MTA3: variants seen among roughly 807,000 people sequenced by gnomAD.
MTA3 encodes the protein metastasis associated 1 family member 3.
MTA3 carries 34 observed loss-of-function variants against 83.5 expected under a neutral mutation model. The observed-to-expected ratio is 0.41, with a 90% CI of 0.31 to 0.54. The LOEUF is 0.54. Among genes scored for constraint, MTA3 ranks in the 20% least tolerant of loss-of-function variants. MTA3 has a pLI of 0.33. For synonymous variants in MTA3, 303 were observed against 252.7 expected, an observed-to-expected ratio of 1.20 and a Z score of -1.89; for missense variants, 761 against 726.4, an observed-to-expected ratio of 1.05 and a Z score of -0.55.
chr2:42,734,255 G>C (rs991225571), intron 16 of MTA3, among the ~76,000 whole-genome samples: 1 of 150,730 alleles, frequency 6.6e-6, no homozygotes, highest in East Asian at 1.9e-4. Flanking sequence ...GCCTCTTACT[G>C]AATTGACCCC....
chr2:42,689,175 C>T (rs1267271903), intron 9 of MTA3, among the ~76,000 whole-genome samples: 1 of 152,152 alleles, frequency 6.6e-6, no homozygotes, highest in Non-Finnish European at 1.5e-5. Flanking sequence ...GTGTACCTGG[C>T]TATCAATTCC....
intron 4 of MTA3, among the ~76,000 whole-genome samples, chr2:42,628,285 C>T (rs1002367731): frequency 1.3e-5 from 2 of 151,650 alleles, no homozygotes; most frequent in Non-Finnish European, 2.9e-5. Context: ...GACTGGAGTG[C>T]AATGGCGTGA....
At chr2:42,737,507 G>T (rs537382568) in intron 16 of MTA3, among the ~76,000 whole-genome samples, 1 of 152,206 alleles carries the variant, frequency 6.6e-6, no homozygotes, top group East Asian at 1.9e-4. Flanking sequence ...GTTAAAATCA[G>T]GTACTGTGAT....
intron 5 of MTA3, among the ~76,000 whole-genome samples, chr2:42,641,651 G>C (rs1337343687): frequency 6.6e-6 from 1 of 152,074 alleles, no homozygotes; most frequent in Non-Finnish European, 1.5e-5. Context: ...TTCGAGACCA[G>C]CCTGACCAAC....
intron 2 of MTA3, among the ~76,000 whole-genome samples, chr2:42,562,383 C>T (rs922487246): frequency 6.6e-6 from 1 of 152,194 alleles, no homozygotes; most frequent in Non-Finnish European, 1.5e-5. Flanking sequence ...GGCTGTGTCC[C>T]TTTCCGTCTC....
chr2:42,695,633 T>G (rs1256086445), intron 9 of MTA3, 132 bp from the exon 10 acceptor site: 1 of 323,620 alleles, frequency 3.1e-6, no homozygotes, highest in Non-Finnish European at 4.9e-6. Context: ...ACAGTCTATC[T>G]CAAAAAAAAA....
chr2:42,750,634 A>G (rs1390607327), intron 16 of MTA3, among the ~76,000 whole-genome samples: 2 of 152,088 alleles, frequency 1.3e-5, no homozygotes, highest in South Asian at 2.1e-4. Flanking sequence ...TCCCCAGAGG[A>G]TAAATGTTTG....
chr2:42,651,578 T>C (rs1332012025), intron 6 of MTA3, among the ~76,000 whole-genome samples: 1 of 151,178 alleles, frequency 6.6e-6, no homozygotes, highest in Non-Finnish European at 1.5e-5. Flanking sequence ...GGCGGATGAC[T>C]TGAGGTCAGG....
At chr2:42,663,263 C>T (rs537908089) in intron 8 of MTA3, among the ~76,000 whole-genome samples, 1 of 152,108 alleles carries the variant, frequency 6.6e-6, no homozygotes, top group Non-Finnish European at 1.5e-5. Context: ...GCTGACTTGC[C>T]TGAGGTAGAG....
intron 2 of MTA3, among the ~76,000 whole-genome samples, chr2:42,558,994 G>T (rs1677534517): frequency 6.6e-6 from 1 of 151,936 alleles, no homozygotes; most frequent in African/African-American, 2.4e-5. Context: ...ATGTTGGCTT[G>T]CCCCAGGGCT....
intron 15 of MTA3, 95 bp from the exon 16 acceptor site, chr2:42,722,794 A>C (rs1361965844): frequency 7.1e-7 from 1 of 1,404,002 alleles, no homozygotes; most frequent in East Asian, 2.5e-5. Flanking sequence ...CTCTCAGCTC[A>C]TTAAGAAATA....
chr2:42,544,183 C>T (rs746497937), intron 2 of MTA3, among the ~76,000 whole-genome samples: 1 of 152,108 alleles, frequency 6.6e-6, no homozygotes, highest in Non-Finnish European at 1.5e-5. Context: ...CACGGTGGCT[C>T]ACGCCTGTAA....
chr2:42,497,379 G>T (rs560518066), intron 2 of MTA3, among the ~76,000 whole-genome samples: 1 of 152,178 alleles, frequency 6.6e-6, no homozygotes, highest in South Asian at 2.1e-4. Context: ...GAGGTCAGGA[G>T]TTCGAGAGCA....
intron 4 of MTA3, among the ~76,000 whole-genome samples, chr2:42,637,138 G>C (rs554655358): frequency 6.6e-6 from 1 of 152,280 alleles, no homozygotes; most frequent in South Asian, 2.1e-4. Context: ...AGCACCCTGC[G>C]CAGTCTCTGA....
At chr2:42,523,209 C>T (rs541702658) in intron 2 of MTA3, among the ~76,000 whole-genome samples, 5 of 152,208 alleles carry the variant, frequency 3.3e-5, no homozygotes, top group South Asian at 2.1e-4. Flanking sequence ...AGTTGACTTC[C>T]CTGCCACCAT....
chr2:42,514,433 G>C (rs1675042047), intron 2 of MTA3, among the ~76,000 whole-genome samples: 1 of 152,130 alleles, frequency 6.6e-6, no homozygotes, highest in African/African-American at 2.4e-5. Context: ...CCAGGCTGGA[G>C]TGCAGGGGCA....
At chr2:42,649,077 C>G (rs1688468237) in intron 6 of MTA3, among the ~76,000 whole-genome samples, 1 of 152,180 alleles carries the variant, frequency 6.6e-6, no homozygotes. Flanking sequence ...TCTTCTCCCC[C>G]TGGCCTCTAG....
intron 4 of MTA3, among the ~76,000 whole-genome samples, chr2:42,621,195 G>C (rs566727955): frequency 2.0e-5 from 3 of 151,416 alleles, no homozygotes; most frequent in African/African-American, 7.3e-5. Flanking sequence ...ATTTGGCAGG[G>C]TCATAGGACA....
In MTA3 at chr2:42,548,846, A is replaced by AATATAT. The variant is rs377534429; in HGVS notation, c.-140-21583_-140-21578dup. On this transcript the variant is annotated intron_variant, in intron 2 of 17. Coordinates refer to the MTA3 transcript ENST00000405592. Reference sequence around the variant, plus strand: ...ATATATATAATATATATATATATATAATATATATATATAATATATATATAT... The same window carrying AATATAT: ...ATATATATAATATATATATATATATAATATATATATATATATATAATATATATATAT... 7.3e-4 allele frequency among the ~76,000 whole-genome samples: 11 copies of AATATAT among 15,062 alleles called. 1 individual carries two copies. The highest frequency in any genetic ancestry group is 0.045 in the Middle Eastern group (1 of 22). The allele number at this position is 15,062 out of a possible 152,430, so 9.9% of individuals were successfully genotyped here.
Sources: allele counts gnomAD v4.1 joint callset (sites outside exome capture counted in the v4.1 genomes callset), GRCh38; gene constraint gnomAD v4.1.1; transcripts MANE v1.5; gene names NCBI Gene and HGNC (gene_info 2026-07-23, HGNC 2026-07-21).